Variants in ADARB2 observed in about 807,000 individuals in gnomAD.
ADARB2 encodes the protein inactive double-stranded RNA-specific editase B2.
ADARB2 carries 25 observed loss-of-function variants against 62.2 expected under a neutral mutation model. The ratio of observed to expected loss-of-function variants is 0.40; its 90% CI spans 0.29 to 0.56. The LOEUF is 0.56. ADARB2 is among the 20% of genes least tolerant of loss of function. The probability of loss-of-function intolerance (pLI) is 0.43; values close to 1 mark genes in which losing one functional copy is unlikely to be tolerated. For missense variants in ADARB2, 1,071 were observed against 1,077.4 expected (o/e 0.99, Z 0.08); for synonymous variants, 572 against 500.8 (o/e 1.14, Z -1.90).
chr10:1,207,178 C>T (rs1426583016), intron 7 of ADARB2, among the ~76,000 whole-genome samples: 2 of 152,072 alleles, frequency 1.3e-5, no homozygotes, highest in African/African-American at 4.8e-5. Context: ...GAAACCCTGT[C>T]TCTACTAAAA....
rs1832579862 is a variant in ADARB2, at chr10:1,549,376, T to A, written c.101-170216A>T. Among the ~76,000 whole-genome samples, 5 of 151,694 alleles carry A rather than the reference T, an allele frequency of 3.3e-5. No individual in the cohort carries two copies. In the South Asian group the frequency reaches 1.0e-3, roughly 32 times the overall value. On this transcript the variant is annotated intron_variant, in intron 1 of 9. Transcript: ENST00000381312. ...GCGCTCTTTTTGAAAGCCCTGGGAG[T>A]GGATGGATTGTGATTCATCTTTGTT...
chr10:1,359,106 T>C (rs914577080), intron 3 of ADARB2, among the ~76,000 whole-genome samples: 1 of 152,206 alleles, frequency 6.6e-6, no homozygotes, highest in Non-Finnish European at 1.5e-5. Context: ...AGCACATATT[T>C]ATATCCTGAC....
At chr10:1,440,457 T>C (rs531229590) in intron 1 of ADARB2, among the ~76,000 whole-genome samples, 5 of 151,700 alleles carry the variant, frequency 3.3e-5, no homozygotes, top group African/African-American at 9.7e-5. Flanking sequence ...TTAAAACTGG[T>C]AGCATCTGGC....
chr10:1,183,166 C>A lies in ADARB2; in HGVS notation c.*27G>T. On this transcript the variant is annotated 3_prime_UTR_variant, in exon 10 of 10. Transcript: ENST00000381312. The stretch of plus-strand genomic sequence containing the variant: ...GGTCCCATCCCTCCAGCGTCCCGCT[C>A]AGCTCCAGCAGCCAGGAGCCCGCAG... 2 of 1,608,458 alleles carry A rather than the reference C, an allele frequency of 1.2e-6. No homozygotes were observed. The highest frequency in any genetic ancestry group is 2.2e-5 in the South Asian group (2 of 90,870).
chr10:1,718,990 G>A (rs77568212), intron 1 of ADARB2, among the ~76,000 whole-genome samples: 1 of 107,090 alleles, frequency 9.3e-6, no homozygotes, highest in Non-Finnish European at 1.9e-5. Flanking sequence ...TGTTGTTGTT[G>A]TTGTTTTTTG....
chr10:1,629,147 G>A (rs11250683), intron 1 of ADARB2, among the ~76,000 whole-genome samples: 109,275 of 152,032 alleles, frequency 0.72, 39,368 homozygotes, highest in African/African-American at 0.77. Flanking sequence ...GGAAGTTTAG[G>A]TTATTATTTT....
rs114249328 is a variant in ADARB2 at position 1,358,261 on chromosome 10, G to A, written c.1077+4767C>T. On this transcript the variant is annotated intron_variant, in intron 3 of 9. Transcript: ENST00000381312. Reference sequence around the variant, plus strand: ...ACCCCTCAGGCTTTCCTCTCACTATGGTGTCTCTGGTGGGAACAGCTGGGG... The same window carrying A: ...ACCCCTCAGGCTTTCCTCTCACTATAGTGTCTCTGGTGGGAACAGCTGGGG... Among the ~76,000 whole-genome samples, 194 of 152,288 alleles carry A rather than the reference G, an allele frequency of 1.3e-3. 2 individuals carry two copies. The highest frequency in any genetic ancestry group is 4.4e-3 in the African/African-American group (184 of 41,568).
chr10:1,339,289 C>T (rs1832001651), intron 3 of ADARB2, among the ~76,000 whole-genome samples: 1 of 152,252 alleles, frequency 6.6e-6, no homozygotes, highest in Non-Finnish European at 1.5e-5. Flanking sequence ...ACGATTCACA[C>T]ATGGCTAAGT....
intron 1 of ADARB2, among the ~76,000 whole-genome samples, chr10:1,544,196 G>T (rs1832484313): frequency 6.6e-6 from 1 of 152,188 alleles, no homozygotes; most frequent in African/African-American, 2.4e-5. Context: ...GCAACGCCAG[G>T]GTCTGGGAGG....
intron 6 of ADARB2, among the ~76,000 whole-genome samples, chr10:1,219,411 A>G (rs1830661591): frequency 6.6e-6 from 1 of 152,246 alleles, no homozygotes; most frequent in Non-Finnish European, 1.5e-5. Flanking sequence ...CATTCATAGT[A>G]CTTAAGGCTA....
At chr10:1,231,599 TA>T (rs1830804734) in intron 6 of ADARB2, among the ~76,000 whole-genome samples, 1 of 152,178 alleles carries the variant, frequency 6.6e-6, no homozygotes, top group Non-Finnish European at 1.5e-5. Flanking sequence ...TCTCTCTCCC[TA>T]CTGCAGGAAG....
At chr10:1,458,143 T>G (rs1831120197) in intron 1 of ADARB2, among the ~76,000 whole-genome samples, 1 of 152,180 alleles carries the variant, frequency 6.6e-6, no homozygotes, top group African/African-American at 2.4e-5. Flanking sequence ...CCTCTCTCAA[T>G]GGAGGTGTCA....
At chr10:1,198,293 T>C (rs1447599800) in intron 8 of ADARB2, among the ~76,000 whole-genome samples, 6 of 152,238 alleles carry the variant, frequency 3.9e-5, no homozygotes, top group Non-Finnish European at 2.9e-5. Flanking sequence ...ATAATCTTCA[T>C]CTTCTAAGGC....
Position 1,562,229 on chromosome 10 carries a change from C to T in ADARB2, c.100+174822G>A, listed in dbSNP as rs2131986810. 1.3e-5 allele frequency among the ~76,000 whole-genome samples: 2 copies of T among 151,842 alleles called. 1 individual carries two copies. Among genetic ancestry groups the T allele is most frequent in the Admixed American group, 1.3e-4 (2 of 15,260 alleles). ...AGCATTCACCTCCGGGCCCCTAGAT[C>T]TGGCCATTCTCCTGTGAGCGTGTTC... On this transcript the variant is annotated intron_variant, in intron 1 of 9. Transcript: ENST00000381312.
At chr10:1,565,379 T>C (rs1439737030) in intron 1 of ADARB2, among the ~76,000 whole-genome samples, 1 of 152,134 alleles carries the variant, frequency 6.6e-6, no homozygotes, top group Non-Finnish European at 1.5e-5. Flanking sequence ...TGGGTATGCA[T>C]GTAATGTTAT....
chr10:1,213,168 C>G (rs535085798), intron 7 of ADARB2, among the ~76,000 whole-genome samples: 16 of 151,616 alleles, frequency 1.1e-4, no homozygotes, highest in African/African-American at 3.4e-4. Context: ...AAGACAGAGA[C>G]AAGCAGACAA....
intron 1 of ADARB2, among the ~76,000 whole-genome samples, chr10:1,572,908 C>T (rs1056257110): frequency 1.3e-5 from 2 of 152,376 alleles, no homozygotes; most frequent in East Asian, 1.9e-4. Flanking sequence ...CTCACTCACA[C>T]ACCCTACTGC....
chr10:1,310,483 C>A lies in ADARB2; in HGVS notation c.1078-39414G>T, dbSNP rs143450887. Among the ~76,000 whole-genome samples, 454 of 152,014 alleles carry A rather than the reference C, an allele frequency of 3.0e-3. 6 individuals are homozygous for A. The highest frequency in any genetic ancestry group is 0.026 in the Admixed American group (399 of 15,292). On this transcript the variant is annotated intron_variant, in intron 3 of 9. Transcript: ENST00000381312. ...AACAGAGGAAGAAGAGATAAGAATCCATCTAAACCTACTTTCTAAGCCCTG... is the reference window on the plus strand; with the variant it reads ...AACAGAGGAAGAAGAGATAAGAATCAATCTAAACCTACTTTCTAAGCCCTG...
At chr10:1,222,444 C>G (rs1366701410) in intron 6 of ADARB2, among the ~76,000 whole-genome samples, 2 of 151,192 alleles carry the variant, frequency 1.3e-5, no homozygotes, top group African/African-American at 2.5e-5. Context: ...TCAATCTTGG[C>G]TTTTGTTGCC....
Sources: allele counts gnomAD v4.1 joint callset (sites outside exome capture counted in the v4.1 genomes callset), GRCh38; gene constraint gnomAD v4.1.1; transcripts MANE v1.5; gene names NCBI Gene and HGNC (gene_info 2026-07-23, HGNC 2026-07-21).